Variants in PGM1 observed in about 807,000 individuals in gnomAD.
PGM1 encodes phosphoglucomutase-1.
Under a neutral mutation model 55.6 loss-of-function variants are expected in PGM1, and 52 were observed. The ratio of observed to expected loss-of-function variants is 0.94; its 90% CI spans 0.75 to 1.18. The LOEUF (loss-of-function observed/expected upper bound fraction) is 1.18. Among genes scored for constraint, PGM1 ranks in the 50% most tolerant of loss-of-function variants. PGM1 has a pLI of 0.00. For synonymous variants in PGM1, 287 were observed against 271.7 expected (o/e 1.06, Z -0.55); for missense variants, 724 against 729.3 (o/e 0.99, Z 0.08).
intron 1 of PGM1, among the ~76,000 whole-genome samples, chr1:63,601,357 A>C (rs1351453141): frequency 6.6e-6 from 1 of 152,244 alleles, no homozygotes; most frequent in African/African-American, 2.4e-5. Flanking sequence ...TGACTGGCTC[A>C]AAATAATTTT....
chr1:63,623,110 G>T, intron 1 of PGM1: 1 of 576,534 alleles, frequency 1.7e-6, no homozygotes, highest in Non-Finnish European at 2.3e-6. Context: ...AGCTGAAGTT[G>T]GCTGCATGCA....
At chr1:63,625,816 T>C (rs1013945014) in intron 1 of PGM1, among the ~76,000 whole-genome samples, 4 of 152,186 alleles carry the variant, frequency 2.6e-5, no homozygotes, top group African/African-American at 9.6e-5. Flanking sequence ...TAAAGGACGT[T>C]TTATTGCACA....
At chr1:63,635,395 CA>C (rs1364748983) in intron 5 of PGM1, among the ~76,000 whole-genome samples, 4 of 152,164 alleles carry the variant, frequency 2.6e-5, no homozygotes, top group African/African-American at 9.6e-5. Context: ...TCTTATAATA[CA>C]CCCATTCATT....
chr1:63,612,529 G>T lies in PGM1; in HGVS notation c.247-16896G>T, dbSNP rs374245512. Among the ~76,000 whole-genome samples the T allele has an allele frequency of 2.0e-3, 300 of 152,290 alleles. 1 individual carries two copies. The highest frequency in any genetic ancestry group is 7.0e-3 in the African/African-American group (291 of 41,572). ...ATTAGGAAAGGGGCTGGGATGCTAGGTCAGCTGGGACCCTCTTTTTCTCGC... is the reference window on the plus strand; with the variant it reads ...ATTAGGAAAGGGGCTGGGATGCTAGTTCAGCTGGGACCCTCTTTTTCTCGC... On this transcript the variant is annotated intron_variant, in intron 1 of 10. Transcript: ENST00000371084.
intron 7 of PGM1, among the ~76,000 whole-genome samples, chr1:63,643,622 A>G (rs183207407): frequency 1.4e-4 from 21 of 152,336 alleles, no homozygotes; most frequent in African/African-American, 5.1e-4. Context: ...GAAGACCAAG[A>G]GGACAGGACT....
intron 1 of PGM1, among the ~76,000 whole-genome samples, chr1:63,611,997 C>T (rs1424951952): frequency 6.6e-6 from 1 of 152,154 alleles, no homozygotes; most frequent in Non-Finnish European, 1.5e-5. Context: ...CACGCCTGGC[C>T]TGTAATCCTA....
chr1:63,626,939 A>G (rs1649033231), intron 1 of PGM1, among the ~76,000 whole-genome samples: 1 of 151,940 alleles, frequency 6.6e-6, no homozygotes, highest in Non-Finnish European at 1.5e-5. Flanking sequence ...ACTTCTTTAA[A>G]TACCTCATGT....
intron 10 of PGM1, among the ~76,000 whole-genome samples, chr1:63,654,844 A>C (rs2101003632): frequency 6.6e-6 from 1 of 152,168 alleles, no homozygotes; most frequent in Non-Finnish European, 1.5e-5. Context: ...ATGAAAATAT[A>C]CTCATTTAAT....
At chr1:63,626,097 T>TTAAGGAAGGAAGTCGTGGG (rs1649007932) in intron 1 of PGM1, among the ~76,000 whole-genome samples, 1 of 152,136 alleles carries the variant, frequency 6.6e-6, no homozygotes, top group Non-Finnish European at 1.5e-5. Flanking sequence ...GGCGTGAGTT[T>TTAAGGAAGGAAGTCGTGGG]TAAGGAAGGA....
intron 1 of PGM1, among the ~76,000 whole-genome samples, chr1:63,622,863 T>A (rs1272978042): frequency 6.6e-6 from 1 of 152,206 alleles, no homozygotes; most frequent in African/African-American, 2.4e-5. Flanking sequence ...AGGGGTAAAT[T>A]AAGCTCCCTC....
intron 1 of PGM1, among the ~76,000 whole-genome samples, chr1:63,616,147 A>T (rs1487022895): frequency 2.0e-5 from 3 of 152,226 alleles, no homozygotes; most frequent in Non-Finnish European, 4.4e-5. Context: ...GTTAGCGCCA[A>T]GTGAATATTC....
chr1:63,653,802 G>A (rs1404896285), intron 9 of PGM1, among the ~76,000 whole-genome samples: 1 of 152,190 alleles, frequency 6.6e-6, no homozygotes, highest in East Asian at 1.9e-4. Flanking sequence ...GCTCCTGCTT[G>A]TTAGGTTGGG....
In PGM1 at chr1:63,630,037, G is replaced by T; in HGVS notation, c.505G>T (p.Val169Phe). 4 of 1,614,082 alleles carry T rather than the reference G, an allele frequency of 2.5e-6. No individual in the cohort carries two copies. The highest frequency in any genetic ancestry group is 3.4e-6 in the Non-Finnish European group (4 of 1,179,936). ...VCPDLKVDLG[V>F]LGKQQFDLEN... ...CCCTGACCTGAAAGTAGACCTTGGTGTTCTGGGAAAGCAGCAGTTTGACTT... is the reference window on the plus strand; with the variant it reads ...CCCTGACCTGAAAGTAGACCTTGGTTTTCTGGGAAAGCAGCAGTTTGACTT... Residue 169 changes from valine to phenylalanine, a missense_variant, in exon 3 of 11, where the codon GTT becomes TTT. Coordinates refer to ENST00000371084, the MANE Select transcript of PGM1 (RefSeq NM_002633.3).
chr1:63,627,775 G>A (rs1335843706), intron 1 of PGM1, among the ~76,000 whole-genome samples: 1 of 152,074 alleles, frequency 6.6e-6, no homozygotes, highest in Non-Finnish European at 1.5e-5. Flanking sequence ...TGCTTGGTGT[G>A]TAAATACAAC....
intron 1 of PGM1, among the ~76,000 whole-genome samples, chr1:63,600,430 A>C (rs1648209929): frequency 6.6e-6 from 1 of 152,182 alleles, no homozygotes; most frequent in African/African-American, 2.4e-5. Flanking sequence ...AGAGTGACTC[A>C]TTCAATAAAT....
At chr1:63,641,708 C>T (rs1227892189) in intron 7 of PGM1, among the ~76,000 whole-genome samples, 1 of 152,136 alleles carries the variant, frequency 6.6e-6, no homozygotes, top group Admixed American at 6.5e-5. Flanking sequence ...CTTGTTGCAG[C>T]TGTGATTTTA....
At chr1:63,624,722 A>C (rs757088682) in intron 1 of PGM1, among the ~76,000 whole-genome samples, 1 of 152,212 alleles carries the variant, frequency 6.6e-6, no homozygotes, top group Non-Finnish European at 1.5e-5. Flanking sequence ...AAAATGTAGT[A>C]TTGCAACTAA....
Position 63,630,124 on chromosome 1 carries a change from A to C in PGM1, c.556+36A>C, listed in dbSNP as rs747151371. ...TTTCCTCCTCTTTCTGCCCACTCCT[A>C]TTTCCAAGTTGAGCGATTTTCCTTT... On this transcript the variant is annotated intron_variant, in intron 3 of 10. Coordinates refer to ENST00000371084, the MANE Select transcript of PGM1 (RefSeq NM_002633.3). The C allele has an allele frequency of 3.7e-6, 6 of 1,606,538 alleles. No individual in the cohort carries two copies. In the Admixed American group the frequency reaches 5.0e-5, roughly 13 times the overall value.
rs1172544113 is a variant in PGM1 at position 63,648,407 on chromosome 1, TC to T, written c.1145-107del. On this transcript the variant is annotated intron_variant, in intron 7 of 10. Coordinates refer to ENST00000371084, the MANE Select transcript of PGM1 (RefSeq NM_002633.3). ...ATCCAATCACTTCCCATCACGTCCC[TC>T]CCTCAACATGAGATTTGGGTGGGGA... 9.3e-6 allele frequency: 11 copies of T among 1,178,474 alleles called. No individual in the cohort carries two copies. In the African/African-American group the frequency reaches 1.7e-4, roughly 18 times the overall value. The allele number at this position is 1,178,474 out of a possible 1,614,324, so 73.0% of individuals were successfully genotyped here.
Sources: allele counts gnomAD v4.1 joint callset (sites outside exome capture counted in the v4.1 genomes callset), GRCh38; gene constraint gnomAD v4.1.1; transcripts MANE v1.5; gene names NCBI Gene and HGNC (gene_info 2026-07-23, HGNC 2026-07-21).